NOC3L: variants seen among roughly 807,000 people sequenced by gnomAD.
NOC3L encodes NOC3 like DNA replication regulator, also known as nucleolar complex protein 3 homolog.
Under a neutral mutation model 102.5 loss-of-function variants are expected in NOC3L, and 85 were observed. The observed-to-expected ratio is 0.83, with a 90% CI of 0.70 to 0.99. The LOEUF is 0.99. Among genes scored for constraint, NOC3L ranks in the 50% least tolerant of loss-of-function variants. The pLI, the probability that NOC3L is intolerant of heterozygous loss-of-function variation, is 0.00. For missense variants in NOC3L, 878 were observed against 914.9 expected (o/e 0.96, Z 0.52); for synonymous variants, 303 against 309.4 (o/e 0.98, Z 0.22).
At chr10:94,331,041 T>C (rs1169306280), downstream of NOC3L, 2 of 152,226 alleles carry the variant, frequency 1.3e-5, no homozygotes, top group Non-Finnish European at 2.9e-5. Context: ...ATGCCAAATC[T>C]GTAGGAATGA....
rs1294795546 is a variant in NOC3L at position 94,344,938 on chromosome 10, A to G, written c.1390-5T>C. ...TTTCTCTTCTGCTTTCTTCCACTGA[A>G]AATAGATTGAAAAACAAAAATCTAA... On this transcript the variant is annotated splice_polypyrimidine_tract_variant and splice_region_variant and intron_variant, in intron 11 of 20. Transcript: ENST00000371361. 1.9e-6 allele frequency: 3 copies of G among 1,600,736 alleles called. No individual in the cohort carries two copies. The highest frequency in any genetic ancestry group is 2.2e-5 in the East Asian group (1 of 44,814).
intron 2 of NOC3L, among the ~76,000 whole-genome samples, chr10:94,359,108 C>T (rs1330551191): frequency 6.6e-6 from 1 of 152,044 alleles, no homozygotes; most frequent in African/African-American, 2.4e-5. Flanking sequence ...GTAGAACTTA[C>T]AATTCTTCCT....
chr10:94,360,033 C>A (rs547923673), intron 2 of NOC3L, among the ~76,000 whole-genome samples: 1 of 152,060 alleles, frequency 6.6e-6, no homozygotes, highest in Non-Finnish European at 1.5e-5. Flanking sequence ...AAAGAAAATA[C>A]GGGGCCAGGC....
In NOC3L at chr10:94,352,831, AAG is replaced by A. The variant is rs2054437055; in HGVS notation, c.858+63_858+64del. On this transcript the variant is annotated intron_variant, in intron 7 of 20. Transcript: ENST00000371361. ...AGTAAAACTCTGCCTCAAAAAAAAA[AAG>A]TCTATCTCTCCAAAATGTTTAGTTA... 8.3e-6 allele frequency: 12 copies of A among 1,449,124 alleles called. No homozygotes were observed. The Admixed American group carries it at 2.4e-4, about 29-fold the overall frequency. The allele number at this position is 1,449,124 out of a possible 1,614,324, so 89.8% of individuals were successfully genotyped here.
chr10:94,358,924 C>T (rs1370687874), intron 2 of NOC3L, among the ~76,000 whole-genome samples: 1 of 152,088 alleles, frequency 6.6e-6, no homozygotes, highest in Admixed American at 6.6e-5. Context: ...TCACATCTAA[C>T]AAAATCCCAA....
At chr10:94,357,570 T>C (rs1240431968) in intron 3 of NOC3L, 1 of 334,034 alleles carries the variant, frequency 3.0e-6, no homozygotes, top group Non-Finnish European at 5.4e-6. Flanking sequence ...TCCCTCTAGA[T>C]GCAAAATAAA....
chr10:94,352,193 T>C, intron 8 of NOC3L, 117 bp downstream of exon 8: 1 of 605,348 alleles, frequency 1.7e-6, no homozygotes, highest in Non-Finnish European at 2.8e-6. Context: ...AGTCTGACTC[T>C]AGATTCTGTT....
chr10:94,320,260 C>G, the NOC3L span, among the ~76,000 whole-genome samples: 7 of 151,960 alleles, frequency 4.6e-5, no homozygotes, highest in African/African-American at 1.7e-4. Context: ...TCTCTTCCCC[C>G]CCTTCCATTA....
chr10:94,318,383 G>A, the NOC3L span, among the ~76,000 whole-genome samples: 1 of 152,216 alleles, frequency 6.6e-6, no homozygotes, highest in Non-Finnish European at 1.5e-5. Flanking sequence ...TCTAAGCGAT[G>A]TCAGAAAATC....
the NOC3L span, among the ~76,000 whole-genome samples, chr10:94,316,039 G>A: frequency 1.3e-5 from 2 of 152,136 alleles, no homozygotes; most frequent in East Asian, 3.9e-4. Context: ...AGGGTCAGCA[G>A]CCAACAAAGA....
chr10:94,318,535 G>A, the NOC3L span, among the ~76,000 whole-genome samples: 3 of 152,148 alleles, frequency 2.0e-5, no homozygotes, highest in Non-Finnish European at 4.4e-5. Context: ...GTTAGAAGTA[G>A]AAAGAACTCA....
intron 4 of NOC3L, 146 bp from the exon 5 acceptor site, chr10:94,356,737 A>G: frequency 1.7e-6 from 1 of 604,856 alleles, no homozygotes; most frequent in South Asian, 2.2e-5. Flanking sequence ...GGTGAGCACA[A>G]GGGAGGATTC....
intron 18 of NOC3L, 50 bp from the exon 19 acceptor site, chr10:94,337,924 A>G: frequency 1.5e-6 from 2 of 1,343,360 alleles, no homozygotes; most frequent in Non-Finnish European, 2.1e-6. Context: ...GTCCTTTACA[A>G]AAAACACTAG....
chr10:94,315,951 A>C, the NOC3L span, among the ~76,000 whole-genome samples: 1 of 152,208 alleles, frequency 6.6e-6, no homozygotes, highest in African/African-American at 2.4e-5. Flanking sequence ...TTCGTAGCCA[A>C]CAAGTATTAA....
chr10:94,321,973 G>A, the NOC3L span: 3 of 1,613,960 alleles, frequency 1.9e-6, no homozygotes, highest in African/African-American at 1.3e-5. Flanking sequence ...GAGTTTCTTT[G>A]TCCAAGTGCA....
intron 13 of NOC3L, among the ~76,000 whole-genome samples, chr10:94,342,948 G>C (rs560408056): frequency 8.5e-5 from 13 of 152,076 alleles, no homozygotes; most frequent in Non-Finnish European, 1.9e-4. Flanking sequence ...AGCCAGGTGT[G>C]ATGGCACATG....
At chr10:94,323,117 C>G in the NOC3L span, among the ~76,000 whole-genome samples, 1 of 152,208 alleles carries the variant, frequency 6.6e-6, no homozygotes, top group African/African-American at 2.4e-5. Context: ...CCAGAAATAC[C>G]TAAGCCAGTA....
intron 8 of NOC3L, 101 bp from the exon 9 acceptor site, chr10:94,350,389 C>T (rs1036776658): frequency 3.1e-6 from 3 of 973,274 alleles, no homozygotes; most frequent in East Asian, 4.8e-5. Context: ...CATAAACACA[C>T]ACACACACAT....
the NOC3L span, among the ~76,000 whole-genome samples, chr10:94,323,608 A>G: frequency 6.6e-6 from 1 of 152,216 alleles, no homozygotes; most frequent in Admixed American, 6.5e-5. Flanking sequence ...CTTGAAGGTT[A>G]AGTATATGTA....
Sources: gnomAD v4.1 joint callset for allele counts (sites outside exome capture counted in the v4.1 genomes callset) on GRCh38, gnomAD v4.1.1 for gene constraint, MANE v1.5 for transcripts, NCBI Gene and HGNC (gene_info 2026-07-23, HGNC 2026-07-21) for gene names.